Variants in MFSD6 observed in about 807,000 individuals in gnomAD.
The protein encoded by MFSD6 is major facilitator superfamily domain-containing protein 6.
MFSD6 carries 26 observed loss-of-function variants against 56.3 expected under a neutral mutation model. The ratio of observed to expected loss-of-function variants is 0.46; its 90% CI spans 0.34 to 0.64. The LOEUF is 0.64. Among genes scored for constraint, MFSD6 ranks in the 30% least tolerant of loss-of-function variants. MFSD6 has a pLI of 0.01. For missense variants in MFSD6, 750 were observed against 986.2 expected (o/e 0.76, Z 3.21); for synonymous variants, 331 against 366.9 (o/e 0.90, Z 1.12).
chr2:190,473,180 A>C (rs1426256799), intron 4 of MFSD6, among the ~76,000 whole-genome samples: 1 of 152,214 alleles, frequency 6.6e-6, no homozygotes, highest in Admixed American at 6.5e-5. Context: ...TGCATCAACC[A>C]ACAAGCAAAA....
Position 190,471,787 on chromosome 2 carries a change from GCCT to G in MFSD6, c.1630+1937_1630+1939del, listed in dbSNP as rs1687949595. On this transcript the variant is annotated intron_variant, in intron 4 of 7. Transcript: ENST00000392328. The surrounding 1 kb of genome is among the most constrained non-coding windows in gnomAD (Gnocchi z 4.7). ...CTTGAGATCTGAGAACAGACAGACT[GCCT>G]CCTCAAGTGGGTCCCTGACCCGCAA... is the stretch of plus-strand genomic sequence containing the variant. Among the ~76,000 whole-genome samples the G allele has an allele frequency of 6.6e-6, 1 of 152,232 alleles. No individual in the cohort carries two copies. The highest frequency in any genetic ancestry group is 1.5e-5 in the Non-Finnish European group (1 of 68,044).
At chr2:190,479,679 C>T (rs1041923980) in intron 4 of MFSD6, among the ~76,000 whole-genome samples, 1 of 152,112 alleles carries the variant, frequency 6.6e-6, no homozygotes, top group Non-Finnish European at 1.5e-5. Context: ...ATTATCCTTG[C>T]TATTAAAATG....
At chr2:190,478,835 T>TA (rs71027224) in intron 4 of MFSD6, among the ~76,000 whole-genome samples, 130,955 of 149,522 alleles carry the variant, frequency 0.88, 58,077 homozygotes, top group East Asian at 1. Flanking sequence ...GGGTCTTCCT[T>TA]AAAAAAAAAA....
chr2:190,474,057 G>T (rs1484812078), intron 4 of MFSD6, among the ~76,000 whole-genome samples: 1 of 152,060 alleles, frequency 6.6e-6, no homozygotes, highest in African/African-American at 2.4e-5. Context: ...CTGGGACACA[G>T]TCAAAGCAGT....
At position 190,500,217 on chromosome 2, in the gene MFSD6, G is replaced by A. The variant is rs752405503; in HGVS notation, c.2375G>A (p.Ter792=). The A allele has an allele frequency of 5.0e-6, 8 of 1,614,082 alleles. No homozygotes were observed. In the South Asian group the frequency reaches 6.6e-5, roughly 13 times the overall value. ...QQAQLAAGGH[*] ...GCTCAGCTGGCCGCGGGAGGACACT[G>A]AGGGCATCCTGCTCATCTCACACCC... Residue 792 remains the stop codon, a stop_retained_variant, in exon 8 of 8, where the codon TGA becomes TAA. Transcript: ENST00000392328. The surrounding 1 kb of genome is among the most constrained non-coding windows in gnomAD (Gnocchi z 5.3).
chr2:190,497,684 A>G lies in MFSD6; in HGVS notation c.2137A>G (p.Arg713Gly). 1 of 1,614,128 alleles carries G rather than the reference A, an allele frequency of 6.2e-7. No homozygotes were observed. Among genetic ancestry groups the G allele is most frequent in the Non-Finnish European group, 8.5e-7 (1 of 1,179,964 alleles). ...AATTAAAGAGATGATGCAACTCACA[A>G]GAGACAACCGTGCTTCTGAGATACA... ...YQIKEMMQLT[R>G]DNRASEIQPL... The change falls in exon 7 of 8, where the codon AGA becomes GGA. Residue 713 changes from arginine to glycine, a missense_variant. Physicochemically the swap from Arg to Gly is moderately radical, Grantham distance 125. This residue lies in a region of MFSD6 where 172 missense variants were observed against 203.9 expected (regional missense o/e 0.84). Coordinates refer to ENST00000392328, the MANE Select transcript of MFSD6 (RefSeq NM_017694.4). This position sits in a 1 kb window ranked among gnomAD's most constrained non-coding sequence, Gnocchi z 5.2.
At position 190,489,720 on chromosome 2, in the gene MFSD6, A is replaced by G; in HGVS notation, c.1793-48A>G. 4.6e-6 allele frequency: 7 copies of G among 1,536,960 alleles called. No individual in the cohort carries two copies. Among genetic ancestry groups the G allele is most frequent in the South Asian group, 1.2e-5 (1 of 86,734 alleles). ...AAACTGATGGTTTTAGATGAGCGCT[A>G]TCTGCATTTCTTGGAATTACTCTAT... On this transcript the variant is annotated intron_variant, in intron 5 of 7. Coordinates refer to ENST00000392328, the MANE Select transcript of MFSD6 (RefSeq NM_017694.4). The surrounding 1 kb of genome is among the most constrained non-coding windows in gnomAD (Gnocchi z 6.6).
chr2:190,488,950 C>G lies in MFSD6; in HGVS notation c.1792+132C>G. ...AAATTCCAGTATTCATAATCTCTTT[C>G]TAGATTTCATGGTAGTCATAATTGT... On this transcript the variant is annotated intron_variant, in intron 5 of 7. Transcript: ENST00000392328. This position sits in a 1 kb window ranked among gnomAD's most constrained non-coding sequence, Gnocchi z 6.4. 1 of 959,756 alleles carries G rather than the reference C, an allele frequency of 1.0e-6. No individual in the cohort carries two copies. The highest frequency in any genetic ancestry group is 2.9e-5 in the East Asian group (1 of 34,030). The allele number at this position is 959,756 out of a possible 1,614,324, so 59.5% of individuals were successfully genotyped here.
At chr2:190,414,433 A>T (rs1690693243) in intron 1 of MFSD6, among the ~76,000 whole-genome samples, 1 of 152,232 alleles carries the variant, frequency 6.6e-6, no homozygotes, top group Non-Finnish European at 1.5e-5. Flanking sequence ...TCACATTTAT[A>T]AGGGAGTTTA....
rs906881870 is a variant in MFSD6 at position 190,469,035 on chromosome 2, C to A, written c.1533-723C>A. 6.6e-6 allele frequency among the ~76,000 whole-genome samples: 1 copy of A among 152,068 alleles called. No individual in the cohort carries two copies. On this transcript the variant is annotated intron_variant, in intron 3 of 7. Coordinates refer to ENST00000392328, the MANE Select transcript of MFSD6 (RefSeq NM_017694.4). This position sits in a 1 kb window ranked among gnomAD's most constrained non-coding sequence, Gnocchi z 5.3. ...TTATGCTTGGGTGCACCACTTCAGG[C>A]CTTTGCTTATTTTCTTTCTACTTAT...
Position 190,437,185 on chromosome 2 carries a change from G to A in MFSD6, c.1156G>A (p.Ala386Thr), listed in dbSNP as rs1405976949. The change falls in exon 3 of 8, where the codon GCC becomes ACC. Residue 386 changes from alanine to threonine, a missense_variant. Physicochemically the swap from Ala to Thr is moderately conservative, Grantham distance 58. Around this residue, in one of 5 missense-constraint regions of MFSD6, gnomAD observed 376 missense variants for 437.9 expected, o/e 0.86. Transcript: ENST00000392328. The surrounding 1 kb of genome is among the most constrained non-coding windows in gnomAD (Gnocchi z 5.9). ...TCTCATGACCATGGCCTTGATCGTTGCCACTCAGTTCCGGTTCCGCTACAA... is the reference window on the plus strand; with the variant it reads ...TCTCATGACCATGGCCTTGATCGTTACCACTCAGTTCCGGTTCCGCTACAA... ...GVLMTMALIVATQFRFRYNHF... is the reference protein window; with the variant it reads ...GVLMTMALIVTTQFRFRYNHF... The A allele has an allele frequency of 6.2e-7, 1 of 1,614,184 alleles. No individual in the cohort carries two copies. The highest frequency in any genetic ancestry group is 1.1e-5 in the South Asian group (1 of 91,084).
chr2:190,436,633 TTGG>T lies in MFSD6; in HGVS notation c.605_607del (p.Leu202_Glu203delinsTer), dbSNP rs763449235. On this transcript the variant is annotated stop_gained and inframe_deletion, in exon 3 of 8. Transcript: ENST00000392328. LOFTEE classifies it high-confidence loss of function. The surrounding 1 kb of genome is among the most constrained non-coding windows in gnomAD (Gnocchi z 5.3). ...AAAAATGCGTGAGAAAAGAAACCTT[TTGG>T]AAACAAGGCTCAATGTCTCAGACAC... is the stretch of plus-strand genomic sequence containing the variant. The T allele has an allele frequency of 1.2e-6, 2 of 1,614,194 alleles. No homozygotes were observed. The highest frequency in any genetic ancestry group is 1.7e-6 in the Non-Finnish European group (2 of 1,180,038).
intron 3 of MFSD6, among the ~76,000 whole-genome samples, chr2:190,448,176 A>G (rs1000270332): frequency 7.9e-5 from 12 of 152,190 alleles, no homozygotes; most frequent in African/African-American, 2.9e-4. Flanking sequence ...GTCAAAGTGT[A>G]TGGTAGACAA....
chr2:190,468,425 A>G (rs925074824), intron 3 of MFSD6, among the ~76,000 whole-genome samples: 1 of 151,622 alleles, frequency 6.6e-6, no homozygotes, highest in Non-Finnish European at 1.5e-5. Flanking sequence ...CAGTGTTGGG[A>G]AAAAGGGAAC....
rs184827286 is a variant in MFSD6, at chr2:190,410,929, G to A, written c.-176+2426G>A. 4.6e-5 allele frequency among the ~76,000 whole-genome samples: 7 copies of A among 151,754 alleles called. No homozygotes were observed. Among genetic ancestry groups the A allele is most frequent in the African/African-American group, 1.2e-4 (5 of 41,418 alleles). On this transcript the variant is annotated intron_variant, in intron 1 of 7. Coordinates refer to ENST00000392328, the MANE Select transcript of MFSD6 (RefSeq NM_017694.4). This position sits in a 1 kb window ranked among gnomAD's most constrained non-coding sequence, Gnocchi z 4.4. ...AAATTAGCTGAGCGTGGTGGCGGGC[G>A]CCTGGAATCCCAGCTACTCAGGGGG...
intron 4 of MFSD6, among the ~76,000 whole-genome samples, chr2:190,478,643 G>A (rs886681140): frequency 6.6e-6 from 1 of 152,132 alleles, no homozygotes; most frequent in Non-Finnish European, 1.5e-5. Flanking sequence ...TGGAGGACAA[G>A]CCCACTCTCA....
At position 190,482,868 on chromosome 2, in the gene MFSD6, C is replaced by CTTTTTTTTTTTTT. The variant is rs199927176; in HGVS notation, c.1631-5766_1631-5754dup. Reference sequence around the variant, plus strand: ...GGAGAAGAGTTATTAAGACTATCATCTTTTTTTTTTTTTTTTTTTTTTTTT... The same window carrying CTTTTTTTTTTTTT: ...GGAGAAGAGTTATTAAGACTATCATCTTTTTTTTTTTTTTTTTTTTTTTTTTTTTTTTTTTTTT... On this transcript the variant is annotated intron_variant, in intron 4 of 7. Coordinates refer to ENST00000392328, the MANE Select transcript of MFSD6 (RefSeq NM_017694.4). 1.0e-4 allele frequency among the ~76,000 whole-genome samples: 5 copies of CTTTTTTTTTTTTT among 48,290 alleles called. 1 individual carries two copies. Among genetic ancestry groups the CTTTTTTTTTTTTT allele is most frequent in the Non-Finnish European group, 1.9e-4 (5 of 26,194 alleles). 31.7% of individuals were successfully genotyped at this position (48,290 alleles called of 152,430 possible).
chr2:190,443,061 A>G lies in MFSD6; in HGVS notation c.1532+5500A>G, dbSNP rs913940918. On this transcript the variant is annotated intron_variant, in intron 3 of 7. Coordinates refer to ENST00000392328, the MANE Select transcript of MFSD6 (RefSeq NM_017694.4). The surrounding 1 kb of genome is among the most constrained non-coding windows in gnomAD (Gnocchi z 4.2). The stretch of plus-strand genomic sequence containing the variant: ...TGTTATATGGAACTGTCATTATGGT[A>G]TTACCGTAACCTGTTTCTATATATT... 6.6e-6 allele frequency: 1 copy of G among 152,178 alleles called. No homozygotes were observed. The allele number at this position is 152,178 out of a possible 1,614,324, so 9.4% of individuals were successfully genotyped here. A position where few individuals can be genotyped will look rare whatever the true frequency, so the allele number is the denominator to read the frequency against.
intron 3 of MFSD6, among the ~76,000 whole-genome samples, chr2:190,455,998 C>T (rs573439351): frequency 1.7e-4 from 21 of 122,358 alleles, no homozygotes; most frequent in Admixed American, 2.3e-4. Context: ...TGAAGTGCAG[C>T]GGCATGATCT....
Sources: allele counts gnomAD v4.1 joint callset (sites outside exome capture counted in the v4.1 genomes callset), GRCh38; gene constraint gnomAD v4.1.1; regional missense constraint gnomAD v4.1.1; non-coding constraint Gnocchi (gnomAD v3.1); transcripts MANE v1.5; gene names NCBI Gene and HGNC (gene_info 2026-07-23, HGNC 2026-07-21).